The following ITSN1 variants were observed in gnomAD, a reference collection of about 807,000 sequenced individuals.
ITSN1 encodes intersectin 1, also known as intersectin-1.
A neutral mutation model predicts 239.8 loss-of-function variants in ITSN1; 58 were observed. That is an observed-to-expected ratio of 0.24 (90% CI 0.20 to 0.30). The LOEUF is 0.30. Ranked by LOEUF, ITSN1 falls within the 10% of genes least tolerant of loss-of-function variation. The pLI is 1.00. For synonymous variants in ITSN1, 780 were observed against 770.8 expected, an observed-to-expected ratio of 1.01 and a Z score of -0.20; for missense variants, 1,558 against 2,103.3, an observed-to-expected ratio of 0.74 and a Z score of 5.07.
intron 8 of ITSN1, among the ~76,000 whole-genome samples, chr21:33,761,316 C>T (rs1040610401): frequency 6.6e-6 from 1 of 152,138 alleles, no homozygotes; most frequent in Non-Finnish European, 1.5e-5. Flanking sequence ...ATCTGCCTGC[C>T]TCAGCCTCCC....
chr21:33,685,444 G>T (rs1313549216), intron 1 of ITSN1, among the ~76,000 whole-genome samples: 1 of 151,936 alleles, frequency 6.6e-6, no homozygotes, highest in South Asian at 2.1e-4. Context: ...CCAAGAGTTG[G>T]CCTTGAAAGG....
intron 29 of ITSN1, chr21:33,837,059 C>A: frequency 6.2e-7 from 1 of 1,603,778 alleles, no homozygotes; most frequent in Admixed American, 1.7e-5. Flanking sequence ...TATCACTGCC[C>A]AGAGGGATGA....
At chr21:33,732,432 C>G (rs1169795300) in intron 4 of ITSN1, among the ~76,000 whole-genome samples, 2 of 152,038 alleles carry the variant, frequency 1.3e-5, no homozygotes, top group African/African-American at 4.8e-5. Context: ...TGGTGGGGGG[C>G]TCAAAATTTT....
chr21:33,754,375 C>G (rs2067773345), intron 7 of ITSN1, among the ~76,000 whole-genome samples: 1 of 152,054 alleles, frequency 6.6e-6, no homozygotes, highest in Non-Finnish European at 1.5e-5. Flanking sequence ...TTAAAAAGTT[C>G]AGTATTTCAG....
intron 20 of ITSN1, among the ~76,000 whole-genome samples, chr21:33,810,000 T>C (rs1221081951): frequency 1.3e-5 from 2 of 151,982 alleles, no homozygotes; most frequent in African/African-American, 2.4e-5. Flanking sequence ...ACTGTGTTGG[T>C]CAGGCTGGTC....
chr21:33,670,090 C>T lies in ITSN1; in HGVS notation c.-33+27377C>T, dbSNP rs375226478. On this transcript the variant is annotated intron_variant, in intron 1 of 39. Coordinates refer to ENST00000381318, the MANE Select transcript of ITSN1 (RefSeq NM_003024.3). The stretch of plus-strand genomic sequence containing the variant: ...TGATTAAAACTGAGAGGCCAGGTGC[C>T]GTGGCTCATGCCTGTAATACCAACA... Among the ~76,000 whole-genome samples, 12 of 152,234 alleles carry T rather than the reference C, an allele frequency of 7.9e-5. No individual in the cohort carries two copies. The East Asian group carries it at 9.7e-4, about 12-fold the overall frequency.
chr21:33,820,742 T>C (rs2073618963), intron 24 of ITSN1, among the ~76,000 whole-genome samples: 1 of 152,250 alleles, frequency 6.6e-6, no homozygotes, highest in Non-Finnish European at 1.5e-5. Context: ...CCTTTATACA[T>C]TCTCATTATC....
intron 7 of ITSN1, chr21:33,754,110 A>G (rs1237608174): frequency 6.6e-6 from 1 of 152,194 alleles, no homozygotes; most frequent in Non-Finnish European, 1.5e-5. Flanking sequence ...CCTGGCGTGT[A>G]GCAACTAGAT....
intron 1 of ITSN1, among the ~76,000 whole-genome samples, chr21:33,713,262 C>T (rs942591906): frequency 2.7e-5 from 4 of 150,822 alleles, no homozygotes; most frequent in Non-Finnish European, 4.4e-5. Context: ...GTTTTTGAGA[C>T]GGAGTCTTGC....
intron 14 of ITSN1, among the ~76,000 whole-genome samples, 184 bp downstream of exon 14, chr21:33,775,292 A>G (rs1569154129): frequency 2.0e-5 from 3 of 152,208 alleles, no homozygotes; most frequent in Non-Finnish European, 4.4e-5. Flanking sequence ...AAACTCAGCA[A>G]ATATTTACTG....
intron 1 of ITSN1, among the ~76,000 whole-genome samples, chr21:33,665,098 A>C (rs2089840591): frequency 6.6e-6 from 1 of 152,152 alleles, no homozygotes; most frequent in South Asian, 2.1e-4. Flanking sequence ...CCCCGTGTCT[A>C]CTAAAAATAC....
chr21:33,864,690 C>T (rs1487960650), intron 31 of ITSN1, among the ~76,000 whole-genome samples: 2 of 152,168 alleles, frequency 1.3e-5, no homozygotes, highest in Non-Finnish European at 2.9e-5. Context: ...GATTATTTTG[C>T]CAAGGCATTT....
At chr21:33,820,442 T>C (rs191380239) in intron 24 of ITSN1, among the ~76,000 whole-genome samples, 1 of 152,204 alleles carries the variant, frequency 6.6e-6, no homozygotes, top group African/African-American at 2.4e-5. Context: ...TTGAATACAT[T>C]ACAGGAGAAT....
intron 27 of ITSN1, 88 bp from the exon 28 acceptor site, chr21:33,834,219 A>C: frequency 1.1e-6 from 1 of 891,798 alleles, no homozygotes; most frequent in Non-Finnish European, 1.8e-6. Flanking sequence ...GTTATATGTA[A>C]GCTTTACATA....
At chr21:33,718,766 A>T in intron 1 of ITSN1, 31 bp from the exon 2 acceptor site, 1 of 1,438,752 alleles carries the variant, frequency 7.0e-7, no homozygotes. Flanking sequence ...TTAAGTTTTC[A>T]TAAACTTAAA....
At position 33,836,324 on chromosome 21, in the gene ITSN1, T is replaced by C. The variant is rs888026089; in HGVS notation, c.3470-117T>C. 3.0e-5 allele frequency: 20 copies of C among 661,130 alleles called. No homozygotes were observed. The Admixed American group carries it at 4.9e-4, about 16-fold the overall frequency. 41.0% of individuals were successfully genotyped at this position (661,130 alleles called of 1,614,324 possible). Reference sequence around the variant, plus strand: ...AGCCCAACAGAACAGTTCCACCTACTGTCACCCTCTTCTGAAAGGACAGAA... The same window carrying C: ...AGCCCAACAGAACAGTTCCACCTACCGTCACCCTCTTCTGAAAGGACAGAA... On this transcript the variant is annotated intron_variant, in intron 28 of 39. Transcript: ENST00000381318.
chr21:33,852,926 C>T (rs1358935910), intron 29 of ITSN1, among the ~76,000 whole-genome samples: 1 of 152,168 alleles, frequency 6.6e-6, no homozygotes, highest in Non-Finnish European at 1.5e-5. Context: ...AATGTCTTTT[C>T]CATTTACCCT....
chr21:33,735,302 C>A, intron 5 of ITSN1, 98 bp downstream of exon 5: 1 of 1,272,522 alleles, frequency 7.9e-7, no homozygotes, highest in Non-Finnish European at 1.1e-6. Context: ...TTATGAAATT[C>A]TAGGAGGTAA....
intron 1 of ITSN1, among the ~76,000 whole-genome samples, chr21:33,646,144 A>T (rs2087923178): frequency 6.6e-6 from 1 of 152,222 alleles, no homozygotes; most frequent in Non-Finnish European, 1.5e-5. Flanking sequence ...AATTTTTTTT[A>T]GTAGTCACTG....
Sources: gnomAD v4.1 joint callset for allele counts (sites outside exome capture counted in the v4.1 genomes callset) on GRCh38, gnomAD v4.1.1 for gene constraint, MANE v1.5 for transcripts, NCBI Gene and HGNC (gene_info 2026-07-23, HGNC 2026-07-21) for gene names.